The following GLIS3 variants were observed in gnomAD, a reference collection of about 807,000 sequenced individuals.
The protein encoded by GLIS3 is zinc finger protein GLIS3.
In GLIS3, 53 loss-of-function variants were observed where a neutral mutation model predicts 78.6. The observed-to-expected ratio is 0.67, with a 90% confidence interval of 0.54 to 0.85. GLIS3 has a LOEUF of 0.85. Among genes scored for constraint, GLIS3 ranks in the 40% least tolerant of loss-of-function variants. The pLI is 0.00. For missense variants in GLIS3, 1,703 were observed against 1,231.1 expected (o/e 1.38, Z -5.74); for synonymous variants, 684 against 509.9 (o/e 1.34, Z -4.60).
In GLIS3 at chr9:4,118,831, TC is replaced by T; in HGVS notation, c.646del (p.Glu216LysfsTer8). 6.2e-7 allele frequency: 1 copy of T among 1,605,900 alleles called. No individual in the cohort carries two copies. On this transcript the variant is annotated frameshift_variant, in exon 4 of 11. Coordinates refer to ENST00000381971, the MANE Select transcript of GLIS3 (RefSeq NM_001042413.2). LOFTEE classifies it high-confidence loss of function. The surrounding 1 kb of genome is among the most constrained non-coding windows in gnomAD (Gnocchi z 4.7). ...SLASTTLSLTESQSASSMKQE... is the reference protein window; with the variant it reads ...SLASTTLSLTXSQSASSMKQE... ...CTTCATGCTTGAGGCCGACTGACTT[TC>T]CGTCAGACTCAAGGTCGTGGACGCC... is the stretch of plus-strand genomic sequence containing the variant.
At chr9:4,106,768 G>A (rs1263023000) in intron 4 of GLIS3, among the ~76,000 whole-genome samples, 1 of 152,208 alleles carries the variant, frequency 6.6e-6, no homozygotes, top group Non-Finnish European at 1.5e-5. Flanking sequence ...CACAATGGTA[G>A]AACTCTCAGT....
At chr9:4,268,209 T>G (rs529956144) in intron 2 of GLIS3, among the ~76,000 whole-genome samples, 6 of 151,022 alleles carry the variant, frequency 4.0e-5, no homozygotes, top group Admixed American at 1.3e-4. Flanking sequence ...GTTTTTTCAT[T>G]TGTAAAACAG....
intron 4 of GLIS3, among the ~76,000 whole-genome samples, chr9:3,987,219 G>A (rs1469580139): frequency 6.6e-6 from 1 of 152,100 alleles, no homozygotes; most frequent in African/African-American, 2.4e-5. Context: ...GTAGAGGTGA[G>A]AGAGGACAAA....
intron 2 of GLIS3, among the ~76,000 whole-genome samples, chr9:4,189,112 C>T (rs1818087004): frequency 6.6e-6 from 1 of 151,032 alleles, no homozygotes; most frequent in African/African-American, 2.4e-5. Context: ...TAGATCTTTC[C>T]TGCTTTCTCT....
At chr9:4,429,313 C>T in the GLIS3 span, among the ~76,000 whole-genome samples, 1 of 152,118 alleles carries the variant, frequency 6.6e-6, no homozygotes, top group Non-Finnish European at 1.5e-5. Flanking sequence ...TCTCTCCAGC[C>T]TCATGCCCCC....
At chr9:4,354,846 G>T in the GLIS3 span, among the ~76,000 whole-genome samples, 1 of 152,108 alleles carries the variant, frequency 6.6e-6, no homozygotes, top group East Asian at 1.9e-4. Flanking sequence ...GCCGGACATG[G>T]TGGCTCATGC....
the GLIS3 span, among the ~76,000 whole-genome samples, chr9:4,433,647 G>C: frequency 6.6e-6 from 1 of 152,150 alleles, no homozygotes; most frequent in Non-Finnish European, 1.5e-5. Context: ...CTAGGCCTTC[G>C]TTTCTAGATC....
intron 2 of GLIS3, among the ~76,000 whole-genome samples, chr9:4,244,167 T>C (rs1030174819): frequency 3.9e-5 from 6 of 152,258 alleles, no homozygotes; most frequent in African/African-American, 1.4e-4. Context: ...TCTTTAGTGT[T>C]ACATGCACCT....
At chr9:4,371,101 A>G in the GLIS3 span, among the ~76,000 whole-genome samples, 10 of 152,174 alleles carry the variant, frequency 6.6e-5, no homozygotes, top group Admixed American at 6.5e-4. Context: ...TTGTAATAAG[A>G]AAAAAATATA....
intron 7 of GLIS3, among the ~76,000 whole-genome samples, chr9:3,884,795 G>A (rs1279627947): frequency 6.6e-6 from 1 of 152,110 alleles, no homozygotes; most frequent in Non-Finnish European, 1.5e-5. Flanking sequence ...TTCAAATCCG[G>A]GAAGCCTGAT....
rs539635612 is a variant in GLIS3 at position 3,989,322 on chromosome 9, C to T, written c.1711-52133G>A. On this transcript the variant is annotated intron_variant, in intron 4 of 10. Transcript: ENST00000381971. Reference sequence around the variant, plus strand: ...ACAGAAATGTAAAAAGGTACAGGCACTCTGGAAAACAGTTTTCTTATAAAA... The same window carrying T: ...ACAGAAATGTAAAAAGGTACAGGCATTCTGGAAAACAGTTTTCTTATAAAA... 2.6e-5 allele frequency among the ~76,000 whole-genome samples: 4 copies of T among 152,296 alleles called. No homozygotes were observed. The South Asian group carries it at 6.2e-4, about 24-fold the overall frequency.
chr9:4,460,450 C>A, the GLIS3 span, among the ~76,000 whole-genome samples: 1 of 152,134 alleles, frequency 6.6e-6, no homozygotes, highest in Non-Finnish European at 1.5e-5. Flanking sequence ...AAGTCCACAC[C>A]ATATGGTGCT....
At chr9:4,426,358 C>A in the GLIS3 span, among the ~76,000 whole-genome samples, 1 of 152,308 alleles carries the variant, frequency 6.6e-6, no homozygotes, top group Admixed American at 6.5e-5. Flanking sequence ...AAACTTAAGT[C>A]CCAACCAACT....
Position 4,155,307 on chromosome 9 carries a change from T to C in GLIS3, c.389-29366A>G, listed in dbSNP as rs116903653. ...TTAAAAAGCAAGAGAATAAGCATGA[T>C]TGTGCAGCAAATGACATCAGCAGTG... On this transcript the variant is annotated intron_variant, in intron 2 of 10. Coordinates refer to ENST00000381971, the MANE Select transcript of GLIS3 (RefSeq NM_001042413.2). 7.2e-3 allele frequency among the ~76,000 whole-genome samples: 1,096 copies of C among 152,238 alleles called. 2 individuals are homozygous for C. The highest frequency in any genetic ancestry group is 0.013 in the Non-Finnish European group (858 of 68,010).
intron 2 of GLIS3, among the ~76,000 whole-genome samples, chr9:4,181,634 T>C (rs1279356752): frequency 1.3e-5 from 2 of 152,266 alleles, no homozygotes; most frequent in Non-Finnish European, 2.9e-5. Flanking sequence ...GACTTTGCTA[T>C]TCCTCACACT....
At chr9:4,230,266 A>G (rs1224991922) in intron 2 of GLIS3, among the ~76,000 whole-genome samples, 2 of 152,218 alleles carry the variant, frequency 1.3e-5, no homozygotes, top group Admixed American at 6.5e-5. Flanking sequence ...AGAAACAGAA[A>G]TAAAGAAAGT....
At chr9:4,444,027 T>C in the GLIS3 span, among the ~76,000 whole-genome samples, 28 of 152,314 alleles carry the variant, frequency 1.8e-4, no homozygotes, top group East Asian at 3.3e-3. Flanking sequence ...TGATTCATCA[T>C]AGATGAGGCA....
At chr9:4,030,558 G>T (rs1469763381) in intron 4 of GLIS3, among the ~76,000 whole-genome samples, 1 of 152,158 alleles carries the variant, frequency 6.6e-6, no homozygotes, top group Non-Finnish European at 1.5e-5. Flanking sequence ...TCTTGTAGTA[G>T]TTTCACAGTT....
chr9:4,061,767 T>C (rs536156547), intron 4 of GLIS3, among the ~76,000 whole-genome samples: 1 of 152,284 alleles, frequency 6.6e-6, no homozygotes, highest in Non-Finnish European at 1.5e-5. Flanking sequence ...AAAAGCAGTA[T>C]GATATTCTTT....
Sources: allele counts gnomAD v4.1 joint callset (sites outside exome capture counted in the v4.1 genomes callset), GRCh38; gene constraint gnomAD v4.1.1; non-coding constraint Gnocchi (gnomAD v3.1); transcripts MANE v1.5; gene names NCBI Gene and HGNC (gene_info 2026-07-23, HGNC 2026-07-21).